PPP1R21: variants seen among roughly 807,000 people sequenced by gnomAD.
PPP1R21 encodes the protein protein phosphatase 1 regulatory subunit 21.
In PPP1R21, 85 loss-of-function variants were observed where a neutral mutation model predicts 112.8. That is an observed-to-expected ratio of 0.75 (90% confidence interval 0.63 to 0.90). The LOEUF is 0.90. PPP1R21 is among the 40% of genes least tolerant of loss of function. The pLI is 0.00. For missense variants in PPP1R21, 1,199 were observed against 901.5 expected, an observed-to-expected ratio of 1.33 and a Z score of -4.23; for synonymous variants, 381 against 322.3, an observed-to-expected ratio of 1.18 and a Z score of -1.95.
intron 1 of PPP1R21, among the ~76,000 whole-genome samples, chr2:48,447,352 T>A (rs11674217): frequency 0.12 from 17,940 of 152,130 alleles, 1,120 homozygotes; most frequent in African/African-American, 0.15. Flanking sequence ...AAAACAAGGA[T>A]AAATGAGATT....
chr2:48,475,338 G>C (rs1428057123), intron 12 of PPP1R21, among the ~76,000 whole-genome samples: 2 of 151,964 alleles, frequency 1.3e-5, no homozygotes, highest in Non-Finnish European at 2.9e-5. Context: ...GGGTGACAAA[G>C]CAACACTGCT....
chr2:48,510,849 A>G (rs949300853), intron 20 of PPP1R21, among the ~76,000 whole-genome samples: 1 of 152,222 alleles, frequency 6.6e-6, no homozygotes, highest in African/African-American at 2.4e-5. Flanking sequence ...TTTTCTTACA[A>G]TTTTATACCT....
chr2:48,505,637 C>T, intron 18 of PPP1R21, 41 bp downstream of exon 18: 9 of 1,487,878 alleles, frequency 6.0e-6, no homozygotes, highest in Non-Finnish European at 8.3e-6. Flanking sequence ...TAGTAAATAT[C>T]TGGCAGCATG....
intron 9 of PPP1R21, among the ~76,000 whole-genome samples, chr2:48,467,953 T>C (rs1572850213): frequency 6.6e-6 from 1 of 152,332 alleles, no homozygotes. Context: ...CTGATTCTTA[T>C]TCCCTGCTTC....
intron 2 of PPP1R21, among the ~76,000 whole-genome samples, chr2:48,452,659 A>G (rs1045211625): frequency 1.8e-4 from 28 of 151,910 alleles, no homozygotes; most frequent in Admixed American, 2.0e-4. Context: ...CCTGTGTTAC[A>G]GGAGGCTTTT....
At chr2:48,514,035 A>C (rs1670756916) in intron 21 of PPP1R21, among the ~76,000 whole-genome samples, 1 of 152,012 alleles carries the variant, frequency 6.6e-6, no homozygotes, top group African/African-American at 2.4e-5. Flanking sequence ...AGACCTTTAA[A>C]AGAAAAGGTG....
intron 13 of PPP1R21, among the ~76,000 whole-genome samples, chr2:48,483,651 C>A (rs933984310): frequency 1.3e-5 from 2 of 152,130 alleles, no homozygotes; most frequent in East Asian, 3.9e-4. Flanking sequence ...CTACCCTGTT[C>A]CTTGTAATGC....
chr2:48,496,518 A>T (rs1226016286), intron 16 of PPP1R21, among the ~76,000 whole-genome samples: 1 of 146,514 alleles, frequency 6.8e-6, no homozygotes, highest in Non-Finnish European at 1.5e-5. Flanking sequence ...CCTAGGCTGG[A>T]GTGCAGTGTT....
chr2:48,447,995 G>T (rs1374593371), intron 1 of PPP1R21, among the ~76,000 whole-genome samples: 1 of 151,712 alleles, frequency 6.6e-6, no homozygotes, highest in Non-Finnish European at 1.5e-5. Context: ...AAAAGATCAG[G>T]CTAATAAGAG....
chr2:48,491,725 G>A (rs999129092), intron 15 of PPP1R21, among the ~76,000 whole-genome samples: 2 of 151,998 alleles, frequency 1.3e-5, no homozygotes, highest in Non-Finnish European at 2.9e-5. Flanking sequence ...AAAGCAGAAT[G>A]TATTTAGGTG....
chr2:48,471,542 T>A, intron 11 of PPP1R21, 175 bp downstream of exon 11: 1 of 605,728 alleles, frequency 1.7e-6, no homozygotes, highest in Non-Finnish European at 2.8e-6. Context: ...TAACTTAAAT[T>A]TAAGAAAGTT....
intron 14 of PPP1R21, among the ~76,000 whole-genome samples, chr2:48,489,029 G>A (rs573664554): frequency 4.5e-4 from 69 of 152,222 alleles, no homozygotes; most frequent in Non-Finnish European, 8.8e-4. Context: ...ACTACCTAAC[G>A]TAGAATTTCA....
intron 1 of PPP1R21, among the ~76,000 whole-genome samples, chr2:48,444,210 C>G (rs565610174): frequency 6.6e-6 from 1 of 152,172 alleles, no homozygotes; most frequent in African/African-American, 2.4e-5. Flanking sequence ...AGATTAAGAC[C>G]CAGTGGTTTG....
chr2:48,476,274 A>T (rs1227916888), intron 12 of PPP1R21, among the ~76,000 whole-genome samples: 4 of 152,222 alleles, frequency 2.6e-5, no homozygotes, highest in African/African-American at 4.8e-5. Context: ...AAGTTGTAGC[A>T]TGTATCAGTA....
intron 1 of PPP1R21, among the ~76,000 whole-genome samples, chr2:48,447,234 G>C (rs1197272965): frequency 6.6e-6 from 1 of 152,272 alleles, no homozygotes; most frequent in East Asian, 1.9e-4. Flanking sequence ...GGAGGAAGTA[G>C]GGCCAGTAGG....
intron 19 of PPP1R21, among the ~76,000 whole-genome samples, chr2:48,509,467 A>C (rs1670533351): frequency 6.6e-6 from 1 of 151,950 alleles, no homozygotes; most frequent in South Asian, 2.1e-4. Context: ...GCACTTTGGG[A>C]GGCTGAGGTG....
chr2:48,458,355 A>G (rs1231921044), intron 4 of PPP1R21, 128 bp downstream of exon 4: 5 of 564,292 alleles, frequency 8.9e-6, no homozygotes, highest in African/African-American at 7.5e-5. Context: ...GTCTTCAAGT[A>G]TATATGTCAC....
chr2:48,507,152 T>A, intron 18 of PPP1R21, 117 bp from the exon 19 acceptor site: 1 of 1,353,496 alleles, frequency 7.4e-7, no homozygotes, highest in Non-Finnish European at 9.5e-7. Context: ...AAAACAGTGA[T>A]TCCCCATCAA....
intron 8 of PPP1R21, 70 bp from the exon 9 acceptor site, chr2:48,465,423 A>G (rs991960968): frequency 1.5e-5 from 21 of 1,376,912 alleles, no homozygotes; most frequent in Non-Finnish European, 2.0e-5. Context: ...TCTCCAGATC[A>G]GACTCAATAA....
Sources: allele counts gnomAD v4.1 joint callset (sites outside exome capture counted in the v4.1 genomes callset), GRCh38; gene constraint gnomAD v4.1.1; transcripts MANE v1.5; gene names NCBI Gene and HGNC (gene_info 2026-07-23, HGNC 2026-07-21).